FMN1: variants seen among roughly 807,000 people sequenced by gnomAD.
FMN1 encodes the protein formin 1, also known as formin-1.
FMN1 carries 110 observed loss-of-function variants against 132.4 expected under a neutral mutation model. The ratio of observed to expected loss-of-function variants is 0.83; its 90% CI spans 0.71 to 0.97. The LOEUF (loss-of-function observed/expected upper bound fraction) is 0.97. Among genes scored for constraint, FMN1 ranks in the 50% least tolerant of loss-of-function variants. The pLI, the probability that FMN1 is intolerant of heterozygous loss-of-function variation, is 0.00. For missense variants in FMN1, 1,792 were observed against 1,705.3 expected, an observed-to-expected ratio of 1.05 and a Z score of -0.90; for synonymous variants, 722 against 651.7, an observed-to-expected ratio of 1.11 and a Z score of -1.64.
chr15:33,094,199 A>G (rs145419739), intron 4 of FMN1, among the ~76,000 whole-genome samples: 1 of 152,196 alleles, frequency 6.6e-6, no homozygotes, highest in Non-Finnish European at 1.5e-5. Flanking sequence ...GAAGTTACCA[A>G]AACTCCCTGA....
chr15:33,083,060 C>T (rs1247468292), intron 5 of FMN1, among the ~76,000 whole-genome samples: 1 of 149,122 alleles, frequency 6.7e-6, no homozygotes, highest in Non-Finnish European at 1.5e-5. Flanking sequence ...CCAAACAGAG[C>T]TTCCCTACAC....
At chr15:32,983,595 G>A (rs2032851511) in intron 7 of FMN1, among the ~76,000 whole-genome samples, 3 of 152,122 alleles carry the variant, frequency 2.0e-5, no homozygotes, top group African/African-American at 7.2e-5. Flanking sequence ...TGTAAAATAA[G>A]TGAACACTAA....
intron 11 of FMN1, among the ~76,000 whole-genome samples, chr15:32,909,319 T>C (rs2060502152): frequency 6.6e-6 from 1 of 152,368 alleles, no homozygotes; most frequent in East Asian, 1.9e-4. Flanking sequence ...TCCCTCTTTC[T>C]GCCTCTATAC....
chr15:33,067,762 A>G (rs2037814105), intron 5 of FMN1: 1 of 1,613,884 alleles, frequency 6.2e-7, no homozygotes, highest in South Asian at 1.1e-5. Context: ...ATTTACTCGT[A>G]AACCCAAATA....
At chr15:32,895,737 GAA>G (rs1394544818) in intron 15 of FMN1, among the ~76,000 whole-genome samples, 1 of 133,200 alleles carries the variant, frequency 7.5e-6, no homozygotes, top group Non-Finnish European at 1.6e-5. Context: ...AAATAAGGAA[GAA>G]AGTTTTTTTT....
At chr15:32,889,190 G>A (rs1455028933) in intron 15 of FMN1, among the ~76,000 whole-genome samples, 1 of 152,196 alleles carries the variant, frequency 6.6e-6, no homozygotes, top group Non-Finnish European at 1.5e-5. Context: ...GCAGGGTGAA[G>A]TATAGTTTTA....
chr15:32,774,141 T>C lies in FMN1; in HGVS notation c.*169A>G. On this transcript the variant is annotated 3_prime_UTR_variant, in exon 21 of 21. Transcript: ENST00000616417. Reference sequence around the variant, plus strand: ...TTGTTCCTGCGGCTTAATGAGGGACTTCTTAAAGAAGGCATGGGGCACTCT... The same window carrying C: ...TTGTTCCTGCGGCTTAATGAGGGACCTCTTAAAGAAGGCATGGGGCACTCT... The C allele has an allele frequency of 1.6e-6, 1 of 622,964 alleles. No individual in the cohort carries two copies. The highest frequency in any genetic ancestry group is 2.8e-6 in the Non-Finnish European group (1 of 351,138). 38.6% of individuals were successfully genotyped at this position (622,964 alleles called of 1,614,324 possible). A position where few individuals can be genotyped will look rare whatever the true frequency, so the allele number is the denominator to read the frequency against.
chr15:32,910,347 T>G, intron 11 of FMN1, 127 bp downstream of exon 11: 1 of 709,206 alleles, frequency 1.4e-6, no homozygotes. Context: ...CAAGCTTGTG[T>G]TTCTATGCCT....
intron 7 of FMN1, among the ~76,000 whole-genome samples, chr15:33,002,858 T>C (rs959470620): frequency 6.6e-6 from 1 of 152,170 alleles, no homozygotes; most frequent in African/African-American, 2.4e-5. Context: ...CTACTGAGGG[T>C]TGTCCATCTG....
intron 17 of FMN1, 69 bp from the exon 18 acceptor site, chr15:32,804,401 A>G: frequency 1.9e-6 from 1 of 540,130 alleles, no homozygotes. Context: ...TTACAGCTTC[A>G]ATTACACCCA....
At position 32,792,304 on chromosome 15, in the gene FMN1, G is replaced by A. The variant is rs559484825; in HGVS notation, c.4130+6500C>T. Among the ~76,000 whole-genome samples the A allele has an allele frequency of 4.0e-5, 6 of 151,628 alleles. No individual in the cohort carries two copies. The East Asian group carries it at 1.2e-3, about 29-fold the overall frequency. On this transcript the variant is annotated intron_variant, in intron 19 of 20. Transcript: ENST00000616417. ...AAAAAAAAAAAAAAAAATTAGCCGG[G>A]CGTGGTGGCAGACGCCTGTAGTCCC...
At chr15:33,028,375 C>A (rs2035779363) in intron 6 of FMN1, among the ~76,000 whole-genome samples, 1 of 152,022 alleles carries the variant, frequency 6.6e-6, no homozygotes, top group Non-Finnish European at 1.5e-5. Context: ...GATAAGGCCA[C>A]AAAAGTGAAC....
chr15:33,158,571 A>C (rs1231834451), intron 3 of FMN1, among the ~76,000 whole-genome samples: 1 of 152,196 alleles, frequency 6.6e-6, no homozygotes, highest in Admixed American at 6.5e-5. Flanking sequence ...GAAAAAAGAA[A>C]TGGGAGTTTG....
chr15:32,827,276 C>T (rs912754273), intron 17 of FMN1, among the ~76,000 whole-genome samples: 2 of 152,196 alleles, frequency 1.3e-5, no homozygotes, highest in Non-Finnish European at 2.9e-5. Flanking sequence ...AAATGATTGT[C>T]TTTGGGTCTC....
In FMN1 at chr15:33,149,741, T is replaced by A; in HGVS notation, c.1867+3307A>T. The A allele has an allele frequency of 3.1e-6, 3 of 969,926 alleles. No individual in the cohort carries two copies. In the South Asian group the frequency reaches 1.4e-4, roughly 47 times the overall value. The allele number at this position is 969,926 out of a possible 1,614,324, so 60.1% of individuals were successfully genotyped here. ...TTTTCTTTGTACTACATACTTTCTG[T>A]AGTAACCTTAAATGGCTGCATATGT... On this transcript the variant is annotated intron_variant, in intron 4 of 20. Coordinates refer to ENST00000616417, the MANE Select transcript of FMN1 (RefSeq NM_001277313.2).
intron 19 of FMN1, among the ~76,000 whole-genome samples, chr15:32,783,190 A>G (rs1013139): frequency 0.19 from 29,187 of 152,116 alleles, 3,188 homozygotes; most frequent in Non-Finnish European, 0.25. Context: ...AATCCTTACA[A>G]AAGAATTTGG....
At chr15:33,010,384 T>C (rs543391161) in intron 6 of FMN1, among the ~76,000 whole-genome samples, 1 of 152,232 alleles carries the variant, frequency 6.6e-6, no homozygotes, top group Non-Finnish European at 1.5e-5. Flanking sequence ...TAGATATTAT[T>C]CTCTGTCCTG....
chr15:32,981,464 G>C (rs973577940), intron 7 of FMN1, among the ~76,000 whole-genome samples: 3 of 150,934 alleles, frequency 2.0e-5, no homozygotes, highest in African/African-American at 7.3e-5. Context: ...CCTGCAGTGA[G>C]CCGAGATCGC....
At chr15:33,015,444 T>TA (rs2034985361) in intron 6 of FMN1, among the ~76,000 whole-genome samples, 1 of 152,182 alleles carries the variant, frequency 6.6e-6, no homozygotes, top group African/African-American at 2.4e-5. Flanking sequence ...GGCCTGTAGT[T>TA]ACTAGTTTCT....
Sources: allele counts gnomAD v4.1 joint callset (sites outside exome capture counted in the v4.1 genomes callset), GRCh38; gene constraint gnomAD v4.1.1; transcripts MANE v1.5; gene names NCBI Gene and HGNC (gene_info 2026-07-23, HGNC 2026-07-21).